TRPM3: variants seen among roughly 807,000 people sequenced by gnomAD.
The protein encoded by TRPM3 is transient receptor potential cation channel subfamily M member 3.
In TRPM3, 77 loss-of-function variants were observed where a neutral mutation model predicts 181.2. The ratio of observed to expected loss-of-function variants is 0.42; its 90% CI spans 0.35 to 0.51. The LOEUF is 0.51. TRPM3 is among the 20% of genes least tolerant of loss of function. TRPM3 has a pLI of 0.01. For missense variants in TRPM3, 1,759 were observed against 2,196.7 expected (o/e 0.80, Z 3.98); for synonymous variants, 745 against 796.4 (o/e 0.94, Z 1.09).
intron 5 of TRPM3, among the ~76,000 whole-genome samples, chr9:70,835,091 C>T (rs927535215): frequency 1.8e-4 from 28 of 152,048 alleles, no homozygotes; most frequent in African/African-American, 6.8e-4. Flanking sequence ...TCTCTTGCTC[C>T]CTCTCTCGTT....
At chr9:71,090,625 G>A (rs892902734) in intron 1 of TRPM3, among the ~76,000 whole-genome samples, 1 of 152,090 alleles carries the variant, frequency 6.6e-6, no homozygotes, top group Non-Finnish European at 1.5e-5. Context: ...CTTGCTTTGG[G>A]TTATTTCTGT....
At chr9:71,228,546 C>T (rs2080843134) in intron 1 of TRPM3, among the ~76,000 whole-genome samples, 1 of 152,278 alleles carries the variant, frequency 6.6e-6, no homozygotes, top group African/African-American at 2.4e-5. Context: ...TCCTTGTTTG[C>T]AGATGATAAA....
At chr9:71,238,914 G>A (rs944355133) in intron 1 of TRPM3, among the ~76,000 whole-genome samples, 7 of 152,022 alleles carry the variant, frequency 4.6e-5, no homozygotes, top group Non-Finnish European at 5.9e-5. Flanking sequence ...GTCCTAAGAG[G>A]TATTAATATT....
intron 1 of TRPM3, among the ~76,000 whole-genome samples, chr9:71,095,846 C>A (rs1020394870): frequency 6.6e-6 from 1 of 150,706 alleles, no homozygotes; most frequent in Non-Finnish European, 1.5e-5. Flanking sequence ...CCTGTATTAT[C>A]TTCTAATAGC....
intron 1 of TRPM3, among the ~76,000 whole-genome samples, chr9:71,289,158 T>TGAGA (rs369616489): frequency 0.026 from 3,853 of 145,802 alleles, 64 homozygotes; most frequent in South Asian, 0.041. Flanking sequence ...AACAAAACAG[T>TGAGA]GAGAGAGAGA....
intron 1 of TRPM3, among the ~76,000 whole-genome samples, chr9:71,118,873 T>C (rs79040078): frequency 0.012 from 1,828 of 152,210 alleles, 40 homozygotes; most frequent in African/African-American, 0.042. Context: ...TTATTAAATA[T>C]TTCATTTCTA....
chr9:70,856,894 T>G (rs911889342), intron 3 of TRPM3, among the ~76,000 whole-genome samples: 4 of 152,144 alleles, frequency 2.6e-5, no homozygotes, highest in African/African-American at 9.7e-5. Flanking sequence ...CAGCATTAAT[T>G]GGAAGAGATG....
intron 1 of TRPM3, among the ~76,000 whole-genome samples, chr9:71,092,697 G>C (rs1327496961): frequency 6.6e-6 from 1 of 152,084 alleles, no homozygotes; most frequent in African/African-American, 2.4e-5. Context: ...CATTTAAATT[G>C]ACAAAATTAA....
chr9:70,768,991 T>G (rs554809203), intron 7 of TRPM3, among the ~76,000 whole-genome samples: 2 of 152,344 alleles, frequency 1.3e-5, no homozygotes, highest in African/African-American at 4.8e-5. Flanking sequence ...CTACTTTGGT[T>G]TTCATCCTCA....
chr9:71,334,444 T>C (rs140198637), intron 1 of TRPM3, among the ~76,000 whole-genome samples: 4 of 151,932 alleles, frequency 2.6e-5, no homozygotes, highest in East Asian at 3.9e-4. Flanking sequence ...TAAGTCATAC[T>C]AAAACATTTT....
intron 1 of TRPM3, among the ~76,000 whole-genome samples, chr9:71,291,438 AT>A (rs2085801313): frequency 6.6e-6 from 1 of 152,148 alleles, no homozygotes. Context: ...TAGATTAGAC[AT>A]TGCCTGATTC....
chr9:71,384,665 AATCTTAGGATTTTTAGGC>A (rs2092886768), intron 1 of TRPM3, among the ~76,000 whole-genome samples: 1 of 152,244 alleles, frequency 6.6e-6, no homozygotes, highest in Non-Finnish European at 1.5e-5. Flanking sequence ...AGCCTTTAGC[AATCTTAGGATTTTTAGGC>A]AATGCCAGAA....
intron 1 of TRPM3, among the ~76,000 whole-genome samples, chr9:71,417,401 G>A (rs1348701941): frequency 6.6e-6 from 1 of 151,856 alleles, no homozygotes; most frequent in Non-Finnish European, 1.5e-5. Context: ...ATGGTATTGA[G>A]CATCTCTTTA....
intron 1 of TRPM3, among the ~76,000 whole-genome samples, chr9:70,915,608 T>C (rs2096586624): frequency 6.6e-6 from 1 of 151,562 alleles, no homozygotes; most frequent in Non-Finnish European, 1.5e-5. Context: ...CCTGGCCACA[T>C]GAGAGTCTTT....
intron 6 of TRPM3, among the ~76,000 whole-genome samples, chr9:70,795,322 A>T (rs1220457372): frequency 6.6e-6 from 1 of 152,226 alleles, no homozygotes. Context: ...CCTGGCACTT[A>T]AGAGTTTTAT....
intron 1 of TRPM3, among the ~76,000 whole-genome samples, chr9:71,132,569 C>G (rs778260216): frequency 1.3e-5 from 2 of 152,002 alleles, no homozygotes; most frequent in Non-Finnish European, 2.9e-5. Context: ...TATAGAATTG[C>G]TGGAATTCAC....
intron 6 of TRPM3, among the ~76,000 whole-genome samples, chr9:70,786,506 AAAAAGATTAAGGGCT>A (rs1387666131): frequency 6.6e-6 from 1 of 151,904 alleles, no homozygotes; most frequent in Non-Finnish European, 1.5e-5. Context: ...ATAAAAACAA[AAAAAGATTAAGGGCT>A]AACTTGAAAT....
chr9:70,761,150 T>G, intron 8 of TRPM3: 1 of 354,274 alleles, frequency 2.8e-6, no homozygotes, highest in Non-Finnish European at 5.0e-6. Context: ...CCTCCAGGAT[T>G]TCTTATGTTT....
chr9:70,788,509 A>G (rs1183911407), intron 6 of TRPM3, among the ~76,000 whole-genome samples: 1 of 152,066 alleles, frequency 6.6e-6, no homozygotes, highest in African/African-American at 2.4e-5. Flanking sequence ...AACACTGTGT[A>G]TAGCAGTGGT....
Sources: allele counts gnomAD v4.1 joint callset (sites outside exome capture counted in the v4.1 genomes callset), GRCh38; gene constraint gnomAD v4.1.1; transcripts MANE v1.5; gene names NCBI Gene and HGNC (gene_info 2026-07-23, HGNC 2026-07-21).